Variants in PHKG2 observed in about 807,000 individuals in gnomAD.
The protein encoded by PHKG2 is phosphorylase kinase catalytic subunit gamma 2.
A neutral mutation model predicts 44.5 loss-of-function variants in PHKG2; 28 were observed. That is an observed-to-expected ratio of 0.63 (90% CI 0.47 to 0.86). PHKG2 has a LOEUF of 0.86. PHKG2 is among the 40% of genes least tolerant of loss of function. The pLI, the probability that PHKG2 is intolerant of heterozygous loss-of-function variation, is 0.00. For missense variants in PHKG2, 498 were observed against 547.5 expected, an observed-to-expected ratio of 0.91 and a Z score of 0.90; for synonymous variants, 220 against 211.2, an observed-to-expected ratio of 1.04 and a Z score of -0.36.
Position 30,760,534 on chromosome 16 carries a change from T to C in PHKG2, c.*3437T>C. The C allele has an allele frequency of 1.2e-6, 2 of 1,603,192 alleles. No homozygotes were observed. Among genetic ancestry groups the C allele is most frequent in the Non-Finnish European group, 1.7e-6 (2 of 1,174,452 alleles). Reference sequence around the variant, plus strand: ...CCACCACATGCTTTGGAGTCAGCCATTCCTCATGTTTTCCCAACCTGACCC... The same window carrying C: ...CCACCACATGCTTTGGAGTCAGCCACTCCTCATGTTTTCCCAACCTGACCC... On this transcript the variant is annotated 3_prime_UTR_variant, in exon 10 of 10. Transcript: ENST00000563588.
chr16:30,749,231 GTGGTGGTGGTGCTGGTGCTGGTGGTGC>G (rs2053311664), intron 2 of PHKG2, among the ~76,000 whole-genome samples: 1 of 142,756 alleles, frequency 7.0e-6, no homozygotes, highest in South Asian at 2.2e-4. Flanking sequence ...GTGTCTTTCG[GTGGTGGTGGTGCTGGTGCTGGTGGTGC>G]TGGTGGTGGT....
chr16:30,756,989 G>A lies in PHKG2; in HGVS notation c.1113G>A (p.Ala371=). ...WVKKGEQQNR[A]ALFQHRPPGP... ...AGAAAGGGGAGCAGCAGAACCGGGC[G>A]GCTCTCTTTCAGCACCGGCCCCCTG... is the stretch of plus-strand genomic sequence containing the variant. Residue 371 remains alanine (A), a synonymous_variant, in exon 10 of 10, where the codon GCG becomes GCA. Transcript: ENST00000563588. 3 of 1,612,232 alleles carry A rather than the reference G, an allele frequency of 1.9e-6. No individual in the cohort carries two copies. The highest frequency in any genetic ancestry group is 1.1e-5 in the South Asian group (1 of 91,090).
At position 30,756,732 on chromosome 16, in the gene PHKG2, C is replaced by G. The variant is rs143558058; in HGVS notation, c.927+17C>G. On this transcript the variant is annotated intron_variant, in intron 9 of 9. Transcript: ENST00000563588. ...CGGTTCCGGGTAAGCCTGAGTGTAT[C>G]AGGGTCTGGGCCCGTTTCTCTGTCC... 3.6e-3 allele frequency: 5,771 copies of G among 1,614,034 alleles called. 9 individuals are homozygous for G. The highest frequency in any genetic ancestry group is 4.2e-3 in the Non-Finnish European group (4,996 of 1,179,988).
chr16:30,753,049 T>C, intron 4 of PHKG2, 183 bp from the exon 5 acceptor site: 1 of 666,968 alleles, frequency 1.5e-6, no homozygotes, highest in African/African-American at 1.8e-5. Flanking sequence ...AATGCAGGTA[T>C]TTCAGCTGCC....
intron 2 of PHKG2, among the ~76,000 whole-genome samples, 155 bp downstream of exon 2, chr16:30,749,070 G>GC (rs2053298719): frequency 8.0e-5 from 2 of 25,000 alleles, no homozygotes; most frequent in South Asian, 1.6e-3. Context: ...GGTGGTGGTG[G>GC]TGGTGGTGGT....
chr16:30,753,854 A>G (rs1222936607), intron 6 of PHKG2, among the ~76,000 whole-genome samples: 1 of 152,148 alleles, frequency 6.6e-6, no homozygotes, highest in African/African-American at 2.4e-5. Flanking sequence ...TAGAGGAGGT[A>G]AAAAAGGGAG....
chr16:30,759,982 A>G lies in PHKG2; in HGVS notation c.*2885A>G. ...AGGGGAATAAACCAAGAAATAGATC[A>G]TTTCAGCTATTAAACATTCTGAAGC... is the stretch of plus-strand genomic sequence containing the variant. On this transcript the variant is annotated 3_prime_UTR_variant, in exon 10 of 10. Coordinates refer to ENST00000563588, the MANE Select transcript of PHKG2 (RefSeq NM_000294.3). The G allele has an allele frequency of 6.9e-7, 1 of 1,456,848 alleles. No homozygotes were observed. The allele number at this position is 1,456,848 out of a possible 1,614,324, so 90.2% of individuals were successfully genotyped here.
chr16:30,756,786 C>A lies in PHKG2; in HGVS notation c.928-18C>A. The A allele has an allele frequency of 1.9e-6, 3 of 1,614,148 alleles. No individual in the cohort carries two copies. Among genetic ancestry groups the A allele is most frequent in the Non-Finnish European group, 2.5e-6 (3 of 1,180,040 alleles). On this transcript the variant is annotated intron_variant, in intron 9 of 9. Transcript: ENST00000563588. Reference sequence around the variant, plus strand: ...GATCTTTCCCCTGCACTAGAGCTCACCCTGCCCCCCTTCCCAGGTGGCAGT... The same window carrying A: ...GATCTTTCCCCTGCACTAGAGCTCAACCTGCCCCCCTTCCCAGGTGGCAGT...
Position 30,757,567 on chromosome 16 carries a change from T to C in PHKG2, c.*470T>C, listed in dbSNP as rs1397568801. The C allele has an allele frequency of 6.2e-7, 1 of 1,614,250 alleles. No individual in the cohort carries two copies. The highest frequency in any genetic ancestry group is 1.7e-5 in the Admixed American group (1 of 60,020). On this transcript the variant is annotated 3_prime_UTR_variant, in exon 10 of 10. Coordinates refer to ENST00000563588, the MANE Select transcript of PHKG2 (RefSeq NM_000294.3). ...GCTGCTGAGCCTTTCCTCGCTGGCC[T>C]TGAGCCGCTCCTCCACCAGCCCCTG...
Position 30,758,747 on chromosome 16 carries a change from G to T in PHKG2, c.*1650G>T. The T allele has an allele frequency of 2.0e-6, 1 of 501,908 alleles. No individual in the cohort carries two copies. Among genetic ancestry groups the T allele is most frequent in the South Asian group, 2.2e-5 (1 of 45,328 alleles). The allele number at this position is 501,908 out of a possible 1,614,324, so 31.1% of individuals were successfully genotyped here. ...TTTTTTGTATTTTAGTAGATAGGGG[G>T]TTTCACGGTGTTGCCCAGGCTGGTC... On this transcript the variant is annotated 3_prime_UTR_variant, in exon 10 of 10. Transcript: ENST00000563588.
chr16:30,760,582 T>G lies in PHKG2; in HGVS notation c.*3485T>G. On this transcript the variant is annotated 3_prime_UTR_variant, in exon 10 of 10. Coordinates refer to ENST00000563588, the MANE Select transcript of PHKG2 (RefSeq NM_000294.3). ...CCCCTCAGCCTTTGCCAAGAGCTCT[T>G]CCCACGCCCCCCTCAGTCCCTACTC... is the stretch of plus-strand genomic sequence containing the variant. 1 of 1,564,614 alleles carries G rather than the reference T, an allele frequency of 6.4e-7. No homozygotes were observed.
rs1567259406 is a variant in PHKG2, at chr16:30,749,064, G to GC, written c.95+149_95+150insC. ...GGTGGTGGTGGTGGTGGTGGTGGTG[G>GC]TGGTGGTGGTGGTGGTGGTGGTGGT... On this transcript the variant is annotated intron_variant, in intron 2 of 9. Transcript: ENST00000563588. 2.2e-5 allele frequency: 7 copies of GC among 311,766 alleles called. 1 individual carries two copies. The highest frequency in any genetic ancestry group is 1.2e-4 in the Admixed American group (3 of 24,764). 19.3% of individuals were successfully genotyped at this position (311,766 alleles called of 1,614,324 possible).
Position 30,757,419 on chromosome 16 carries a change from A to C in PHKG2, c.*322A>C. On this transcript the variant is annotated 3_prime_UTR_variant, in exon 10 of 10. Transcript: ENST00000563588. Reference sequence around the variant, plus strand: ...CAGGAAAGCCCAGAAGGTGCTCAGCAGGGTGCAGGGATGGTGCCATTCTGG... The same window carrying C: ...CAGGAAAGCCCAGAAGGTGCTCAGCCGGGTGCAGGGATGGTGCCATTCTGG... The C allele has an allele frequency of 6.4e-7, 1 of 1,570,214 alleles. No homozygotes were observed. The highest frequency in any genetic ancestry group is 8.7e-7 in the Non-Finnish European group (1 of 1,155,860).
At position 30,761,124 on chromosome 16, in the gene PHKG2, G is replaced by A. The variant is rs2053750597; in HGVS notation, c.*4027G>A. ...TCATCTGTAAAATGGGGATGCCCTG[G>A]CCACAGACAGGACTGTTGGGGAGAC... On this transcript the variant is annotated 3_prime_UTR_variant, in exon 10 of 10. Transcript: ENST00000563588. The A allele has an allele frequency of 6.5e-7, 1 of 1,529,100 alleles. No homozygotes were observed. The highest frequency in any genetic ancestry group is 1.4e-5 in the African/African-American group (1 of 73,400). 94.7% of individuals were successfully genotyped at this position (1,529,100 alleles called of 1,614,324 possible).
In PHKG2 at chr16:30,759,062, G is replaced by C. The variant is rs780448832; in HGVS notation, c.*1965G>C. ...TGTCTCTAGTTCCTCTTTCTGCGGG[G>C]TAACTGCCTGCTCCTCCATCTCCTT... On this transcript the variant is annotated 3_prime_UTR_variant, in exon 10 of 10. Coordinates refer to ENST00000563588, the MANE Select transcript of PHKG2 (RefSeq NM_000294.3). 1 of 1,614,206 alleles carries C rather than the reference G, an allele frequency of 6.2e-7. No homozygotes were observed. Among genetic ancestry groups the C allele is most frequent in the Admixed American group, 1.7e-5 (1 of 60,030 alleles).
chr16:30,757,968 G>T lies in PHKG2; in HGVS notation c.*871G>T. 2.4e-6 allele frequency: 1 copy of T among 410,144 alleles called. No homozygotes were observed. Among genetic ancestry groups the T allele is most frequent in the Non-Finnish European group, 3.9e-6 (1 of 256,174 alleles). The allele number at this position is 410,144 out of a possible 1,614,324, so 25.4% of individuals were successfully genotyped here. On this transcript the variant is annotated 3_prime_UTR_variant, in exon 10 of 10. Coordinates refer to ENST00000563588, the MANE Select transcript of PHKG2 (RefSeq NM_000294.3). ...ATAGTGATACCTAGCACATAGGATT[G>T]AGGGAGGATTAAATGAGTTAATTTA...
Position 30,759,211 on chromosome 16 carries a change from G to A in PHKG2, c.*2114G>A, listed in dbSNP as rs2053570061. The A allele has an allele frequency of 3.1e-6, 5 of 1,614,170 alleles. No homozygotes were observed. The highest frequency in any genetic ancestry group is 1.1e-5 in the South Asian group (1 of 91,084). On this transcript the variant is annotated 3_prime_UTR_variant, in exon 10 of 10. Transcript: ENST00000563588. ...CTCTCTGGCCACAGTTTGGGTGGCT[G>A]TAGCCCCATGTAAGTCAAAGACAGA...
rs538127151 is a variant in PHKG2 at position 30,751,234 on chromosome 16, G to C, written c.224G>C (p.Arg75Pro). 6.2e-7 allele frequency: 1 copy of C among 1,612,974 alleles called. No homozygotes were observed. The highest frequency in any genetic ancestry group is 2.2e-5 in the East Asian group (1 of 44,882). The change falls in exon 3 of 10, where the codon CGG becomes CCG. Residue 75 changes from arginine (R) to proline (P), a missense_variant. By Grantham distance (103) the Arg-to-Pro change is moderately radical. Transcript: ENST00000563588. ...CTGGAGGAGGTGCGGGAAGCCACAC[G>C]GCGAGAGACACACATCCTTCGCCAG... is the stretch of plus-strand genomic sequence containing the variant. ...EQLEEVREAT[R>P]RETHILRQVA...
Position 30,760,380 on chromosome 16 carries a change from A to G in PHKG2, c.*3283A>G, listed in dbSNP as rs1363170038. 6 of 1,614,086 alleles carry G rather than the reference A, an allele frequency of 3.7e-6. No homozygotes were observed. Among genetic ancestry groups the G allele is most frequent in the Admixed American group, 1.7e-5 (1 of 60,012 alleles). ...TGGCGGCAGAAAATGAGCGCGTGGC[A>G]GAAGAGGTCCAGGGTGATGGCGTCC... On this transcript the variant is annotated 3_prime_UTR_variant, in exon 10 of 10. Transcript: ENST00000563588.
Sources: gnomAD v4.1 joint callset for allele counts (sites outside exome capture counted in the v4.1 genomes callset) on GRCh38, gnomAD v4.1.1 for gene constraint, MANE v1.5 for transcripts, NCBI Gene and HGNC (gene_info 2026-07-23, HGNC 2026-07-21) for gene names.